TET3: variants seen among roughly 807,000 people sequenced by gnomAD.
The protein encoded by TET3 is methylcytosine dioxygenase TET3.
In TET3, 19 loss-of-function variants were observed where a neutral mutation model predicts 141.4. The observed-to-expected ratio is 0.13, with a 90% CI of 0.09 to 0.20. TET3 has a LOEUF of 0.20. Among genes scored for constraint, TET3 ranks in the 10% least tolerant of loss-of-function variants. The pLI is 1.00. For synonymous variants in TET3, 1,043 were observed against 980.9 expected, an observed-to-expected ratio of 1.06 and a Z score of -1.18; for missense variants, 1,874 against 2,356.9, an observed-to-expected ratio of 0.80 and a Z score of 4.24.
intron 3 of TET3, among the ~76,000 whole-genome samples, chr2:74,019,826 G>A (rs966634426): frequency 4.6e-5 from 7 of 152,176 alleles, no homozygotes; most frequent in Non-Finnish European, 8.8e-5. Context: ...TCAGGGAGGA[G>A]CCCTCTGAGC....
downstream of TET3, among the ~76,000 whole-genome samples, chr2:74,111,608 G>A (rs1253892698): frequency 6.6e-6 from 1 of 152,192 alleles, no homozygotes; most frequent in Non-Finnish European, 1.5e-5. Flanking sequence ...ACTCCTCCCT[G>A]ATATGGACAG....
At chr2:74,015,727 T>C (rs1573695305) in intron 3 of TET3, among the ~76,000 whole-genome samples, 1 of 152,318 alleles carries the variant, frequency 6.6e-6, no homozygotes, top group Non-Finnish European at 1.5e-5. Flanking sequence ...AGTGTTTGTA[T>C]AGAACAAAAT....
At chr2:74,072,340 C>G (rs184539493) in intron 4 of TET3, among the ~76,000 whole-genome samples, 1 of 152,266 alleles carries the variant, frequency 6.6e-6, no homozygotes, top group Non-Finnish European at 1.5e-5. Flanking sequence ...TGGTGAAACT[C>G]TGTCTCTACT....
chr2:74,072,236 G>A (rs1267393503), intron 4 of TET3, among the ~76,000 whole-genome samples: 1 of 152,112 alleles, frequency 6.6e-6, no homozygotes, highest in Non-Finnish European at 1.5e-5. Flanking sequence ...TTTTTGGTGG[G>A]GCACAACAGC....
chr2:73,998,664 T>C (rs1329544637), intron 2 of TET3: 1 of 152,314 alleles, frequency 6.6e-6, no homozygotes, highest in Non-Finnish European at 1.5e-5. Context: ...GCAAAGGCAG[T>C]TCCCATGACA....
intron 2 of TET3, chr2:74,002,727 C>CCTCCCTCCGTGCG: frequency 5.8e-6 from 3 of 520,656 alleles, no homozygotes; most frequent in Admixed American, 3.7e-5. Flanking sequence ...CTCTGCAGTG[C>CCTCCCTCCGTGCG]CTCCCTCCGT....
the TET3 span, among the ~76,000 whole-genome samples, chr2:74,131,784 G>A: frequency 6.6e-6 from 1 of 152,188 alleles, no homozygotes; most frequent in East Asian, 1.9e-4. Flanking sequence ...CTAGGAGGTG[G>A]CTACATCCGA....
intron 10 of TET3, among the ~76,000 whole-genome samples, chr2:74,095,866 T>G (rs537082372): frequency 2.4e-4 from 36 of 152,372 alleles, no homozygotes; most frequent in Admixed American, 2.3e-3. Context: ...TGATGTTTAC[T>G]TTTACAGGCT....
downstream of TET3, among the ~76,000 whole-genome samples, chr2:74,111,422 CAT>C (rs1460538881): frequency 6.6e-6 from 1 of 152,224 alleles, no homozygotes; most frequent in Non-Finnish European, 1.5e-5. Context: ...TTCTCCCAGT[CAT>C]ATCCTGACAC....
At position 74,100,848 on chromosome 2, in the gene TET3, C is replaced by A. The variant is rs1310604370; in HGVS notation, c.4060C>A (p.Pro1354Thr). The change falls in exon 12 of 12, where the codon CCT becomes ACT. Residue 1354 changes from proline to threonine, a missense_variant. By Grantham distance (38) the Pro-to-Thr change is conservative. Transcript: ENST00000409262. ...AVPTDAHHPT[P>T]HHQQPAYPGP... Reference sequence around the variant, plus strand: ...TCCCACAGACGCCCACCACCCCACTCCTCACCACCAGCAGCCTGCGTACCC... The same window carrying A: ...TCCCACAGACGCCCACCACCCCACTACTCACCACCAGCAGCCTGCGTACCC... 1 of 1,611,942 alleles carries A rather than the reference C, an allele frequency of 6.2e-7. No individual in the cohort carries two copies. The highest frequency in any genetic ancestry group is 2.2e-5 in the East Asian group (1 of 44,766).
chr2:74,120,343 C>G, the TET3 span, among the ~76,000 whole-genome samples: 1 of 152,378 alleles, frequency 6.6e-6, no homozygotes, highest in South Asian at 2.1e-4. Flanking sequence ...GGGGTCCCAG[C>G]CCGGCAGGAG....
In TET3 at chr2:74,048,101, T is replaced by G; in HGVS notation, c.2184T>G (p.Pro728=). Residue 728 remains proline, a synonymous_variant, in exon 4 of 12, where the codon CCT becomes CCG. Coordinates refer to ENST00000409262, the MANE Select transcript of TET3 (RefSeq NM_001287491.2). The part of the protein sequence containing the change: ...FGDSFGLPGP[P]SVPIQDPENQ... ...ATAGCTTTGGGCTTCCCGGCCCCCCTTCTGTGCCCATTCAGGACCCCGAGA... is the reference window on the plus strand; with the variant it reads ...ATAGCTTTGGGCTTCCCGGCCCCCCGTCTGTGCCCATTCAGGACCCCGAGA... 6.2e-7 allele frequency: 1 copy of G among 1,613,542 alleles called. No individual in the cohort carries two copies.
At chr2:74,134,021 G>A in the TET3 span, among the ~76,000 whole-genome samples, 12 of 152,156 alleles carry the variant, frequency 7.9e-5, no homozygotes, top group African/African-American at 2.9e-4. Flanking sequence ...AGGATTACAG[G>A]TGTGAGCCAC....
intron 10 of TET3, among the ~76,000 whole-genome samples, chr2:74,097,194 T>TGCACACACAC (rs1558791272): frequency 1.7e-5 from 1 of 59,992 alleles, no homozygotes. Context: ...TAGCCATACA[T>TGCACACACAC]GCACACACAC....
intron 10 of TET3, among the ~76,000 whole-genome samples, chr2:74,094,063 G>A (rs187861788): frequency 1.2e-4 from 18 of 152,304 alleles, no homozygotes; most frequent in African/African-American, 4.1e-4. Flanking sequence ...TGCATGCTGC[G>A]GGATGAAACG....
At chr2:74,037,139 C>T (rs1687107059) in intron 3 of TET3, among the ~76,000 whole-genome samples, 1 of 152,176 alleles carries the variant, frequency 6.6e-6, no homozygotes. Flanking sequence ...ACTGGGCTAG[C>T]CAGTGTGCCC....
chr2:74,015,135 G>T (rs140583282), intron 3 of TET3, among the ~76,000 whole-genome samples: 1 of 152,212 alleles, frequency 6.6e-6, no homozygotes, highest in Non-Finnish European at 1.5e-5. Context: ...ACCCAAGGGA[G>T]AAGGTGCAGT....
intron 4 of TET3, among the ~76,000 whole-genome samples, chr2:74,056,711 G>A (rs1296414165): frequency 2.0e-5 from 3 of 152,158 alleles, no homozygotes; most frequent in Non-Finnish European, 4.4e-5. Flanking sequence ...TTAACAGCAA[G>A]ATGGTAAAAT....
Position 74,097,088 on chromosome 2 carries a change from T to A in TET3, c.3268-2188T>A, listed in dbSNP as rs558008787. Among the ~76,000 whole-genome samples the A allele has an allele frequency of 1.1e-3, 157 of 140,744 alleles. 1 individual carries two copies. Among genetic ancestry groups the A allele is most frequent in the Middle Eastern group, 3.8e-3 (1 of 266 alleles). The allele number at this position is 140,744 out of a possible 152,430, so 92.3% of individuals were successfully genotyped here. On this transcript the variant is annotated intron_variant, in intron 10 of 11. Coordinates refer to ENST00000409262, the MANE Select transcript of TET3 (RefSeq NM_001287491.2). ...GCCTGGGCAATAGAGTAAGACCTTA[T>A]CTCAAAAAGAAAAAGAAGAAAAAGA... is the stretch of plus-strand genomic sequence containing the variant.
Sources: allele counts gnomAD v4.1 joint callset (sites outside exome capture counted in the v4.1 genomes callset), GRCh38; gene constraint gnomAD v4.1.1; transcripts MANE v1.5; gene names NCBI Gene and HGNC (gene_info 2026-07-23, HGNC 2026-07-21).